CSMD1: variants seen among roughly 807,000 people sequenced by gnomAD.
The protein encoded by CSMD1 is CUB and sushi domain-containing protein 1.
In CSMD1, 213 loss-of-function variants were observed where a neutral mutation model predicts 417.5. The observed-to-expected ratio is 0.51, with a 90% confidence interval of 0.46 to 0.57. The LOEUF (loss-of-function observed/expected upper bound fraction) is 0.57, where lower values mean the gene tolerates loss of function less well. Among genes scored for constraint, CSMD1 ranks in the 20% least tolerant of loss-of-function variants. CSMD1 has a pLI of 0.00. For missense variants in CSMD1, 6,923 were observed against 4,529.7 expected (o/e 1.53, Z -15.17); for synonymous variants, 2,862 against 1,736.8 (o/e 1.65, Z -16.11).
intron 1 of CSMD1, among the ~76,000 whole-genome samples, chr8:4,920,810 C>T (rs912969786): frequency 2.9e-5 from 4 of 139,854 alleles, no homozygotes; most frequent in African/African-American, 1.1e-4. Flanking sequence ...GCAACAAGAG[C>T]AAAACTCTGT....
chr8:4,282,239 A>G (rs988290331), intron 3 of CSMD1, among the ~76,000 whole-genome samples: 34 of 152,218 alleles, frequency 2.2e-4, no homozygotes, highest in Non-Finnish European at 5.9e-5. Context: ...TTACAACTGC[A>G]TGCAAAGGTG....
chr8:3,171,342 C>T (rs545022454), intron 37 of CSMD1, among the ~76,000 whole-genome samples: 1 of 152,284 alleles, frequency 6.6e-6, no homozygotes, highest in African/African-American at 2.4e-5. Context: ...AGCAGCCCAG[C>T]CTGATTTCCA....
At chr8:4,139,975 T>C (rs1803683209) in intron 3 of CSMD1, among the ~76,000 whole-genome samples, 1 of 145,374 alleles carries the variant, frequency 6.9e-6, no homozygotes, top group Non-Finnish European at 1.5e-5. Context: ...TATGTTTATG[T>C]GGGCAGGGGT....
intron 1 of CSMD1, among the ~76,000 whole-genome samples, chr8:4,686,579 C>T (rs1459754969): frequency 6.6e-6 from 1 of 152,234 alleles, no homozygotes; most frequent in Non-Finnish European, 1.5e-5. Context: ...CATTAGATCA[C>T]AAGTCCTTCG....
intron 1 of CSMD1, among the ~76,000 whole-genome samples, chr8:4,783,642 G>A (rs1371615854): frequency 6.6e-6 from 1 of 152,170 alleles, no homozygotes; most frequent in African/African-American, 2.4e-5. Context: ...CCTGCTCCAG[G>A]GAGCTCTTGT....
intron 51 of CSMD1, among the ~76,000 whole-genome samples, chr8:3,021,518 C>G (rs1188837256): frequency 6.6e-6 from 1 of 152,170 alleles, no homozygotes; most frequent in African/African-American, 2.4e-5. Context: ...TTACGTTTGC[C>G]TTTTTTTCAT....
At chr8:3,400,578 C>T (rs887387586) in intron 15 of CSMD1, among the ~76,000 whole-genome samples, 1 of 151,758 alleles carries the variant, frequency 6.6e-6, no homozygotes, top group East Asian at 1.9e-4. Flanking sequence ...ACTGCATGAC[C>T]ATATATTGGA....
intron 40 of CSMD1, among the ~76,000 whole-genome samples, chr8:3,145,043 TTGTG>T (rs34827109): frequency 6.8e-6 from 1 of 146,714 alleles, no homozygotes; most frequent in Non-Finnish European, 1.5e-5. Flanking sequence ...GAGTAAAGAG[TTGTG>T]TGTGTGTGTG....
chr8:4,384,876 C>G (rs76735160), intron 3 of CSMD1, among the ~76,000 whole-genome samples: 2 of 152,226 alleles, frequency 1.3e-5, no homozygotes, highest in Non-Finnish European at 1.5e-5. Context: ...TACAACTGCT[C>G]TAATTTCTGG....
In CSMD1 at chr8:3,986,433, G is replaced by A. The variant is rs563107179; in HGVS notation, c.818+11470C>T. On this transcript the variant is annotated intron_variant, in intron 5 of 69. Transcript: ENST00000635120. ...GTTGAATACGTTTCCACTTCAAGGT[G>A]AAATCTGAAATATCAGGGTATAGCC... Among the ~76,000 whole-genome samples the A allele has an allele frequency of 5.3e-4, 80 of 152,234 alleles. 2 individuals are homozygous for A. The highest frequency in any genetic ancestry group is 1.9e-3 in the African/African-American group (78 of 41,552).
At chr8:4,421,762 G>C (rs532719650) in intron 2 of CSMD1, among the ~76,000 whole-genome samples, 3 of 151,570 alleles carry the variant, frequency 2.0e-5, no homozygotes, top group Admixed American at 1.3e-4. Flanking sequence ...AATTCTTATT[G>C]CAAGAACTAT....
At chr8:4,007,703 A>G (rs1035032817) in intron 4 of CSMD1, among the ~76,000 whole-genome samples, 1 of 152,084 alleles carries the variant, frequency 6.6e-6, no homozygotes, top group African/African-American at 2.4e-5. Context: ...GCAATGAATG[A>G]AAATTGAATG....
At chr8:4,097,001 C>A (rs532499224) in intron 3 of CSMD1, among the ~76,000 whole-genome samples, 184 of 152,238 alleles carry the variant, frequency 1.2e-3, no homozygotes, top group African/African-American at 4.3e-3. Flanking sequence ...GAGATAAAAT[C>A]TTTGAAAATT....
At chr8:3,152,176 G>C (rs913574746) in intron 39 of CSMD1, among the ~76,000 whole-genome samples, 2 of 152,200 alleles carry the variant, frequency 1.3e-5, no homozygotes, top group Non-Finnish European at 2.9e-5. Flanking sequence ...CTGTGAGAGA[G>C]GGTGAAATAA....
At chr8:3,870,092 C>T (rs1052778142) in intron 5 of CSMD1, among the ~76,000 whole-genome samples, 5 of 152,100 alleles carry the variant, frequency 3.3e-5, no homozygotes, top group African/African-American at 1.2e-4. Context: ...ATTAAGTTAT[C>T]TACTAATAAC....
intron 8 of CSMD1, among the ~76,000 whole-genome samples, chr8:3,588,699 C>T (rs547568334): frequency 6.6e-6 from 1 of 151,986 alleles, no homozygotes; most frequent in African/African-American, 2.4e-5. Flanking sequence ...ACCCCCAAAG[C>T]GCAGACAACA....
intron 1 of CSMD1, among the ~76,000 whole-genome samples, chr8:4,880,417 G>A (rs1221530450): frequency 6.6e-6 from 1 of 151,974 alleles, no homozygotes; most frequent in African/African-American, 2.4e-5. Context: ...AGTATCGTAG[G>A]ACTCCTTACA....
At chr8:3,583,149 A>G (rs768594239) in intron 9 of CSMD1, among the ~76,000 whole-genome samples, 9 of 151,948 alleles carry the variant, frequency 5.9e-5, no homozygotes, top group Non-Finnish European at 1.0e-4. Context: ...TTCAGAATTC[A>G]GATATAGTGC....
chr8:4,515,370 G>C (rs1342421098), intron 2 of CSMD1, among the ~76,000 whole-genome samples: 2 of 152,170 alleles, frequency 1.3e-5, no homozygotes, highest in African/African-American at 2.4e-5. Context: ...ACATAGTGGA[G>C]AGAGATGTTA....
Sources: gnomAD v4.1 joint callset for allele counts (sites outside exome capture counted in the v4.1 genomes callset) on GRCh38, gnomAD v4.1.1 for gene constraint, MANE v1.5 for transcripts, NCBI Gene and HGNC (gene_info 2026-07-23, HGNC 2026-07-21) for gene names.